ARHGEF40: variants seen among roughly 807,000 people sequenced by gnomAD.
ARHGEF40 encodes Rho guanine nucleotide exchange factor 40.
In ARHGEF40, 98 loss-of-function variants were observed where a neutral mutation model predicts 165.9. That is an observed-to-expected ratio of 0.59 (90% CI 0.50 to 0.70). The LOEUF (loss-of-function observed/expected upper bound fraction) is 0.70. ARHGEF40 is among the 30% of genes least tolerant of loss of function. The pLI, the probability that ARHGEF40 is intolerant of heterozygous loss-of-function variation, is 0.00. For missense variants in ARHGEF40, 1,815 were observed against 1,968.0 expected (o/e 0.92, Z 1.47); for synonymous variants, 792 against 814.3 (o/e 0.97, Z 0.47).
At chr14:21,079,707 C>T (rs764500810) in intron 11 of ARHGEF40, among the ~76,000 whole-genome samples, 34 of 152,230 alleles carry the variant, frequency 2.2e-4, no homozygotes, top group Admixed American at 5.9e-4. Context: ...ACCTCAGGGC[C>T]GGTGCAAAAG....
the ARHGEF40 span, among the ~76,000 whole-genome samples, chr14:21,063,490 G>A: frequency 4.6e-5 from 7 of 152,110 alleles, no homozygotes; most frequent in African/African-American, 1.2e-4. Context: ...GGTCTTATGC[G>A]TATGTTCAAC....
At chr14:21,065,442 T>A (rs1886212216), upstream of ARHGEF40, among the ~76,000 whole-genome samples, 1 of 152,176 alleles carries the variant, frequency 6.6e-6, no homozygotes, top group African/African-American at 2.4e-5. Flanking sequence ...AGACACTAGC[T>A]GAAAAAGCAG....
upstream of ARHGEF40, among the ~76,000 whole-genome samples, chr14:21,068,918 C>G (rs1455302206): frequency 6.6e-6 from 1 of 152,224 alleles, no homozygotes; most frequent in African/African-American, 2.4e-5. Context: ...GAGCAAGTCA[C>G]CTTGGCGGCA....
In ARHGEF40 at chr14:21,081,559, G is replaced by C; in HGVS notation, c.2691G>C (p.Pro897=). Residue 897 remains proline (P), a synonymous_variant, in exon 14 of 24, where the codon CCG becomes CCC. Transcript: ENST00000298694. The part of the protein sequence containing the change: ...EGFARLAGAG[P]GREAVLAALA... The stretch of plus-strand genomic sequence containing the variant: ...TTGCTCGGCTGGCAGGAGCTGGGCC[G>C]GGTCGGGAGGCTGTGCTGGCTGCAC... The C allele has an allele frequency of 6.2e-7, 1 of 1,612,944 alleles. No individual in the cohort carries two copies. The highest frequency in any genetic ancestry group is 8.5e-7 in the Non-Finnish European group (1 of 1,179,880).
At position 21,089,871 on chromosome 14, in the gene ARHGEF40, C is replaced by T. The variant is rs973307655; in HGVS notation, c.*863C>T. Reference sequence around the variant, plus strand: ...AAAATGAGGTCCTCAGGCCACAGTGCGTGAGAACTTGCTTGGCTGTTTGTT... The same window carrying T: ...AAAATGAGGTCCTCAGGCCACAGTGTGTGAGAACTTGCTTGGCTGTTTGTT... On this transcript the variant is annotated 3_prime_UTR_variant, in exon 24 of 24. Coordinates refer to ENST00000298694, the MANE Select transcript of ARHGEF40 (RefSeq NM_018071.5). The T allele has an allele frequency of 2.0e-5, 4 of 201,152 alleles. No individual in the cohort carries two copies. Among genetic ancestry groups the T allele is most frequent in the Admixed American group, 1.1e-4 (2 of 18,154 alleles). 12.5% of individuals were successfully genotyped at this position (201,152 alleles called of 1,614,324 possible). A position where few individuals can be genotyped will look rare whatever the true frequency, so the allele number is the denominator to read the frequency against.
At chr14:21,081,044 C>T in intron 13 of ARHGEF40, 28 bp downstream of exon 13, 2 of 1,569,980 alleles carry the variant, frequency 1.3e-6, no homozygotes, top group South Asian at 1.1e-5. Flanking sequence ...TCCTTCTGTG[C>T]CCCCCCATTT....
In ARHGEF40 at chr14:21,080,940, A is replaced by G. The variant is rs774648820; in HGVS notation, c.2564A>G (p.Asp855Gly). Residue 855 changes from aspartate (D) to glycine (G), a missense_variant, in exon 13 of 24, where the codon GAT (aspartate) becomes GGT (glycine). Coordinates refer to ENST00000298694, the MANE Select transcript of ARHGEF40 (RefSeq NM_018071.5). ...EENATSQKVL[D>G]IFEQRLEQVE... ...AATGCCACCTCCCAGAAGGTGCTGGATATCTTTGAACAGCGGCTGGAGCAG... is the reference window on the plus strand; with the variant it reads ...AATGCCACCTCCCAGAAGGTGCTGGGTATCTTTGAACAGCGGCTGGAGCAG... 5.6e-6 allele frequency: 9 copies of G among 1,614,162 alleles called. No individual in the cohort carries two copies. The highest frequency in any genetic ancestry group is 2.2e-5 in the East Asian group (1 of 44,874).
At chr14:21,067,823 A>G (rs1216546456), upstream of ARHGEF40, among the ~76,000 whole-genome samples, 1 of 151,992 alleles carries the variant, frequency 6.6e-6, no homozygotes, top group Admixed American at 6.6e-5. Context: ...AGAAAGTGGT[A>G]TTTAACTGCT....
chr14:21,076,998 G>A, intron 8 of ARHGEF40, 108 bp downstream of exon 8: 1 of 912,322 alleles, frequency 1.1e-6, no homozygotes, highest in East Asian at 2.5e-5. Flanking sequence ...TTGCAAAAAA[G>A]TGGTTTCCAT....
In ARHGEF40 at chr14:21,076,642, A is replaced by G. The variant is rs1297215534; in HGVS notation, c.1916A>G (p.Gln639Arg). ...CTTCCAACTGAACTCTGTGGATTTC[A>G]GGTTTGAGCCCTTCATTCCCATCTA... ...DDLPTELCGF[Q>R]GAEVLSENDL... Residue 639 changes from glutamine (Q) to arginine (R), a missense_variant and splice_region_variant, in exon 7 of 24, where the codon CAG (glutamine) becomes CGG (arginine). Physicochemically the swap from Gln to Arg is conservative, Grantham distance 43. Transcript: ENST00000298694. 6.2e-7 allele frequency: 1 copy of G among 1,613,862 alleles called. No individual in the cohort carries two copies. The highest frequency in any genetic ancestry group is 1.1e-5 in the South Asian group (1 of 91,064).
intron 17 of ARHGEF40, 85 bp downstream of exon 17, chr14:21,084,135 GCTC>G: frequency 1.4e-6 from 2 of 1,404,210 alleles, no homozygotes; most frequent in Non-Finnish European, 1.9e-6. Flanking sequence ...GGAGAACCAG[GCTC>G]CAGGTCAGAG....
At chr14:21,079,777 A>G (rs1206629518) in intron 11 of ARHGEF40, among the ~76,000 whole-genome samples, 1 of 152,154 alleles carries the variant, frequency 6.6e-6, no homozygotes, top group East Asian at 1.9e-4. Context: ...CTAAGCCAAT[A>G]TCCTAGAGAT....
Position 21,087,063 on chromosome 14 carries a change from G to A in ARHGEF40, c.4201G>A (p.Ala1401Thr), listed in dbSNP as rs1307544156. Residue 1401 changes from alanine to threonine, a missense_variant, in exon 20 of 24, where the codon GCC (alanine) becomes ACC (threonine). By Grantham distance (58) the Ala-to-Thr change is moderately conservative (BLOSUM62 0). Coordinates refer to ENST00000298694, the MANE Select transcript of ARHGEF40 (RefSeq NM_018071.5). ...IGNKPFLDIK[A>T]LGERTLSALL... ...GAATAAACCCTTCCTGGACATCAAA[G>A]CCCTTGGGGAGCGGACGCTGAGTGC... The A allele has an allele frequency of 6.2e-7, 1 of 1,608,490 alleles. No homozygotes were observed. The highest frequency in any genetic ancestry group is 2.2e-5 in the East Asian group (1 of 44,744).
In ARHGEF40 at chr14:21,081,835, C is replaced by G; in HGVS notation, c.2967C>G (p.Leu989=). Residue 989 remains leucine, a synonymous_variant, in exon 14 of 24, where the codon CTC becomes CTG. Transcript: ENST00000298694. Reference sequence around the variant, plus strand: ...GGCCCCGCAGCCCCTCGCCCAGCCTCAGCTCCTTGCTGCTCCCCAGCAGCC... The same window carrying G: ...GGCCCCGCAGCCCCTCGCCCAGCCTGAGCTCCTTGCTGCTCCCCAGCAGCC... ...QWGPRSPSPS[L]SSLLLPSSPG... 6.2e-7 allele frequency: 1 copy of G among 1,610,370 alleles called. No homozygotes were observed. Among genetic ancestry groups the G allele is most frequent in the Non-Finnish European group, 8.5e-7 (1 of 1,178,972 alleles).
At chr14:21,088,166 A>G (rs1888514056) in intron 22 of ARHGEF40, 68 bp downstream of exon 22, 5 of 1,528,962 alleles carry the variant, frequency 3.3e-6, no homozygotes, top group Non-Finnish European at 3.5e-6. Context: ...GGCTTTTCTG[A>G]TCATTCAACC....
chr14:21,082,510 T>C, intron 15 of ARHGEF40, 32 bp downstream of exon 15: 1 of 1,538,140 alleles, frequency 6.5e-7, no homozygotes, highest in Non-Finnish European at 8.8e-7. Flanking sequence ...TTCCAAGTGC[T>C]CTCCCTTCTC....
At chr14:21,085,963 GGAT>G (rs1412277332) in intron 19 of ARHGEF40, 97 bp downstream of exon 19, 11 of 1,349,100 alleles carry the variant, frequency 8.2e-6, no homozygotes, top group Non-Finnish European at 1.1e-5. Flanking sequence ...ACAGTTTATA[GGAT>G]GAAGAAAGAA....
Position 21,075,266 on chromosome 14 carries a change from G to T in ARHGEF40, c.1451-66G>T, listed in dbSNP as rs1242770086. The T allele has an allele frequency of 2.5e-6, 4 of 1,598,508 alleles. No homozygotes were observed. Among genetic ancestry groups the T allele is most frequent in the Non-Finnish European group, 3.4e-6 (4 of 1,172,710 alleles). On this transcript the variant is annotated intron_variant, in intron 3 of 23. Coordinates refer to ENST00000298694, the MANE Select transcript of ARHGEF40 (RefSeq NM_018071.5). This position sits in a 1 kb window ranked among gnomAD's most constrained non-coding sequence, Gnocchi z 4.5. Reference sequence around the variant, plus strand: ...GGGGGCAGGAGGAGGAGCAGGGTTAGGCTGGGAGCAGAACAACCAGAACCA... The same window carrying T: ...GGGGGCAGGAGGAGGAGCAGGGTTATGCTGGGAGCAGAACAACCAGAACCA...
chr14:21,079,020 G>A lies in ARHGEF40; in HGVS notation c.2373+10G>A. On this transcript the variant is annotated intron_variant, in intron 11 of 23. Coordinates refer to ENST00000298694, the MANE Select transcript of ARHGEF40 (RefSeq NM_018071.5). ...GCGGCGACTCCAGCAGGTGAGCCAG[G>A]ATCCCCACGTCCCTCTTACTCAGCC... The A allele has an allele frequency of 6.2e-7, 1 of 1,609,978 alleles. No individual in the cohort carries two copies. Among genetic ancestry groups the A allele is most frequent in the South Asian group, 1.1e-5 (1 of 90,894 alleles).
Sources: gnomAD v4.1 joint callset for allele counts (sites outside exome capture counted in the v4.1 genomes callset) on GRCh38, gnomAD v4.1.1 for gene constraint, Gnocchi (gnomAD v3.1) non-coding constraint, MANE v1.5 for transcripts, NCBI Gene and HGNC (gene_info 2026-07-23, HGNC 2026-07-21) for gene names.